GOLGA4: variants seen among roughly 807,000 people sequenced by gnomAD.
The protein encoded by GOLGA4 is golgin A4.
GOLGA4 carries 169 observed loss-of-function variants against 265.9 expected under a neutral mutation model. The ratio of observed to expected loss-of-function variants is 0.64; its 90% CI spans 0.56 to 0.72. The LOEUF is 0.72. Ranked by LOEUF, GOLGA4 falls within the 30% of genes least tolerant of loss-of-function variation. The probability of loss-of-function intolerance (pLI) is 0.00; values close to 1 mark genes in which losing one functional copy is unlikely to be tolerated. For synonymous variants in GOLGA4, 923 were observed against 855.8 expected (o/e 1.08, Z -1.37); for missense variants, 2,482 against 2,483.4 (o/e 1.00, Z 0.01).
chr3:37,270,202 CTTTT>C (rs144373648), intron 2 of GOLGA4, among the ~76,000 whole-genome samples: 1 of 99,886 alleles, frequency 1.0e-5, no homozygotes, highest in Non-Finnish European at 2.0e-5. Context: ...CCAGTTGTAG[CTTTT>C]TTTTTTTTTT....
chr3:37,269,603 T>G (rs991588706), intron 2 of GOLGA4, among the ~76,000 whole-genome samples: 2 of 152,094 alleles, frequency 1.3e-5, no homozygotes, highest in African/African-American at 4.8e-5. Context: ...CGTATAAAAC[T>G]TCACATACAG....
At position 37,255,686 on chromosome 3, in the gene GOLGA4, A is replaced by G. The variant is rs555013674; in HGVS notation, c.162+4202A>G. On this transcript the variant is annotated intron_variant, in intron 2 of 23. Coordinates refer to ENST00000361924, the MANE Select transcript of GOLGA4 (RefSeq NM_002078.5). ...CAGATACGTAGACTTTACTGTGTCT[A>G]CTGTTGCGGTGGACAAATATTTATG... is the stretch of plus-strand genomic sequence containing the variant. Among the ~76,000 whole-genome samples, 43 of 152,240 alleles carry G rather than the reference A, an allele frequency of 2.8e-4. No individual in the cohort carries two copies. In the South Asian group the frequency reaches 3.5e-3, roughly 12 times the overall value.
chr3:37,320,472 A>C (rs2096951740), intron 12 of GOLGA4: 1 of 152,138 alleles, frequency 6.6e-6, no homozygotes, highest in Non-Finnish European at 1.5e-5. Flanking sequence ...GAAATGAGTT[A>C]ACAAGTTCTC....
At chr3:37,271,015 C>G (rs2096797229) in intron 2 of GOLGA4, among the ~76,000 whole-genome samples, 1 of 151,946 alleles carries the variant, frequency 6.6e-6, no homozygotes, top group Non-Finnish European at 1.5e-5. Flanking sequence ...GACCACGCAA[C>G]CTAGATCCTT....
chr3:37,303,583 T>G (rs2096898624), intron 10 of GOLGA4, among the ~76,000 whole-genome samples: 2 of 152,184 alleles, frequency 1.3e-5, no homozygotes, highest in Non-Finnish European at 2.9e-5. Context: ...AGTCATGAGC[T>G]TTTCAAATGG....
At chr3:37,249,187 C>T (rs528349640) in intron 1 of GOLGA4, among the ~76,000 whole-genome samples, 7 of 152,252 alleles carry the variant, frequency 4.6e-5, no homozygotes, top group African/African-American at 1.7e-4. Context: ...TTGAATTTAT[C>T]TCAACTTTAA....
At chr3:37,293,842 AACCTGCTATAT>A (rs1204911378) in intron 5 of GOLGA4, among the ~76,000 whole-genome samples, 1 of 152,224 alleles carries the variant, frequency 6.6e-6, no homozygotes, top group Non-Finnish European at 1.5e-5. Context: ...TAGATGCTAT[AACCTGCTATAT>A]ACCTAGGCAA....
At chr3:37,333,876 C>T (rs1027283915) in intron 16 of GOLGA4, among the ~76,000 whole-genome samples, 3 of 152,094 alleles carry the variant, frequency 2.0e-5, no homozygotes, top group Non-Finnish European at 2.9e-5. Flanking sequence ...TTCTAAATGT[C>T]GTATGATTCA....
chr3:37,352,565 A>C (rs969234745), intron 21 of GOLGA4, among the ~76,000 whole-genome samples: 1 of 151,908 alleles, frequency 6.6e-6, no homozygotes, highest in Non-Finnish European at 1.5e-5. Flanking sequence ...TGATATGGAG[A>C]TGTCTTCTCT....
intron 23 of GOLGA4, among the ~76,000 whole-genome samples, chr3:37,365,865 T>C (rs1696711796): frequency 1.3e-5 from 2 of 151,352 alleles, no homozygotes; most frequent in Non-Finnish European, 2.9e-5. Flanking sequence ...ACTCCTGGCC[T>C]CAAGTGATTC....
In GOLGA4 at chr3:37,326,605, A is replaced by G. The variant is rs2096971713; in HGVS notation, c.4719A>G (p.Gly1573=). 1 of 1,613,336 alleles carries G rather than the reference A, an allele frequency of 6.2e-7. No homozygotes were observed. The highest frequency in any genetic ancestry group is 1.1e-5 in the South Asian group (1 of 90,886). ...VQKLQHFQEL[G]EEKDNRVKEA... ...AACTTCAACATTTTCAAGAGTTAGG[A>G]GAAGAAAAGGACAACAGGGTTAAAG... The change falls in exon 14 of 24, where the codon GGA becomes GGG. Residue 1573 remains glycine, a synonymous_variant. Coordinates refer to ENST00000361924, the MANE Select transcript of GOLGA4 (RefSeq NM_002078.5).
intron 23 of GOLGA4, 149 bp from the exon 24 acceptor site, chr3:37,365,931 C>A: frequency 1.8e-6 from 1 of 558,524 alleles, no homozygotes; most frequent in Non-Finnish European, 3.0e-6. Context: ...CCACACCCAG[C>A]CTTATTTCTG....
At chr3:37,349,082 T>G (rs545468246) in intron 21 of GOLGA4, among the ~76,000 whole-genome samples, 1 of 152,284 alleles carries the variant, frequency 6.6e-6, no homozygotes, top group Non-Finnish European at 1.5e-5. Context: ...CTTTTCTGGC[T>G]CTAAAAATGA....
chr3:37,272,133 A>G (rs537962094), intron 2 of GOLGA4, among the ~76,000 whole-genome samples: 2 of 152,334 alleles, frequency 1.3e-5, no homozygotes, highest in South Asian at 4.1e-4. Flanking sequence ...ATAGAAATTA[A>G]GTGCACAATA....
intron 20 of GOLGA4, among the ~76,000 whole-genome samples, chr3:37,345,571 C>A (rs180742144): frequency 6.6e-6 from 1 of 152,152 alleles, no homozygotes; most frequent in African/African-American, 2.4e-5. Context: ...CTAATTTCCT[C>A]GCATAATTGC....
intron 2 of GOLGA4, among the ~76,000 whole-genome samples, chr3:37,252,868 G>T (rs1373335104): frequency 1.3e-5 from 2 of 151,998 alleles, no homozygotes; most frequent in Non-Finnish European, 2.9e-5. Flanking sequence ...GAATACTAAG[G>T]AGTTTTTTGT....
At chr3:37,257,794 T>C (rs891501295) in intron 2 of GOLGA4, among the ~76,000 whole-genome samples, 2 of 150,652 alleles carry the variant, frequency 1.3e-5, no homozygotes, top group African/African-American at 4.9e-5. Context: ...TTAGAGGCCA[T>C]AGTAACCATG....
At chr3:37,306,501 CTGTGTGTGTGTGTGTG>C (rs35641880) in intron 10 of GOLGA4, among the ~76,000 whole-genome samples, 12 of 140,216 alleles carry the variant, frequency 8.6e-5, no homozygotes, top group African/African-American at 1.6e-4. Flanking sequence ...TGGCTGTTCT[CTGTGTGTGTGTGTGTG>C]TGTGTGTGTG....
At position 37,249,047 on chromosome 3, in the gene GOLGA4, A is replaced by G. The variant is rs2096726980; in HGVS notation, c.73-2348A>G. On this transcript the variant is annotated intron_variant, in intron 1 of 23. Transcript: ENST00000361924. ...ACCATTTTATTAAAGGAGTTCTTAGATATAATCATTTATAAATACATAGAT... is the reference window on the plus strand; with the variant it reads ...ACCATTTTATTAAAGGAGTTCTTAGGTATAATCATTTATAAATACATAGAT... 3.9e-5 allele frequency among the ~76,000 whole-genome samples: 6 copies of G among 152,294 alleles called. No individual in the cohort carries two copies. In the South Asian group the frequency reaches 1.2e-3, roughly 32 times the overall value.
Sources: allele counts gnomAD v4.1 joint callset (sites outside exome capture counted in the v4.1 genomes callset), GRCh38; gene constraint gnomAD v4.1.1; transcripts MANE v1.5; gene names NCBI Gene and HGNC (gene_info 2026-07-23, HGNC 2026-07-21).